The following PPP2R2B variants were observed in gnomAD, a reference collection of about 807,000 sequenced individuals.
PPP2R2B encodes serine/threonine-protein phosphatase 2A 55 kDa regulatory subunit B beta isoform.
A neutral mutation model predicts 46.0 loss-of-function variants in PPP2R2B; 5 were observed. The ratio of observed to expected loss-of-function variants is 0.11; its 90% CI spans 0.06 to 0.23. The LOEUF (loss-of-function observed/expected upper bound fraction) is 0.23, where lower values mean the gene tolerates loss of function less well. Among genes scored for constraint, PPP2R2B ranks in the 10% least tolerant of loss-of-function variants. The probability of loss-of-function intolerance (pLI) is 1.00; values close to 1 mark genes in which losing one functional copy is unlikely to be tolerated. For synonymous variants in PPP2R2B, 215 were observed against 206.7 expected, an observed-to-expected ratio of 1.04 and a Z score of -0.34; for missense variants, 367 against 575.0, an observed-to-expected ratio of 0.64 and a Z score of 3.70.
intron 2 of PPP2R2B, among the ~76,000 whole-genome samples, chr5:146,845,887 T>C (rs1759971074): frequency 6.6e-6 from 1 of 152,180 alleles, no homozygotes; most frequent in Non-Finnish European, 1.5e-5. Context: ...AGACCTGTAC[T>C]GTGCAACACA....
intron 2 of PPP2R2B, among the ~76,000 whole-genome samples, chr5:146,763,112 C>G (rs1754265251): frequency 6.6e-6 from 1 of 152,154 alleles, no homozygotes; most frequent in Admixed American, 6.5e-5. Flanking sequence ...CAATAACAAC[C>G]TGAACTGAAC....
chr5:146,814,915 T>A (rs1757838270), intron 2 of PPP2R2B, among the ~76,000 whole-genome samples: 1 of 152,212 alleles, frequency 6.6e-6, no homozygotes, highest in African/African-American at 2.4e-5. Context: ...CCTTGGTCTC[T>A]CCTTCTGTCT....
intron 1 of PPP2R2B, among the ~76,000 whole-genome samples, chr5:146,967,159 C>G (rs1339252062): frequency 6.6e-6 from 1 of 152,150 alleles, no homozygotes; most frequent in African/African-American, 2.4e-5. Flanking sequence ...ATACTGCCCT[C>G]TATTAGATAC....
intron 2 of PPP2R2B, among the ~76,000 whole-genome samples, chr5:146,866,434 C>T (rs1761313153): frequency 6.6e-6 from 1 of 152,104 alleles, no homozygotes; most frequent in Non-Finnish European, 1.5e-5. Context: ...TTATCATCAG[C>T]AAAGTAGAAA....
chr5:146,822,244 GA>G (rs1402346876), intron 2 of PPP2R2B, among the ~76,000 whole-genome samples: 1 of 152,306 alleles, frequency 6.6e-6, no homozygotes, highest in East Asian at 1.9e-4. Flanking sequence ...TTGAAAGAGC[GA>G]TCTTCTGGAA....
At chr5:146,927,272 C>T (rs1046470742) in intron 1 of PPP2R2B, among the ~76,000 whole-genome samples, 9 of 152,140 alleles carry the variant, frequency 5.9e-5, no homozygotes, top group Non-Finnish European at 1.3e-4. Flanking sequence ...CCAACCTCCT[C>T]CTAGAGTCAT....
intron 1 of PPP2R2B, among the ~76,000 whole-genome samples, chr5:146,909,785 A>G (rs1424076936): frequency 2.0e-5 from 3 of 151,988 alleles, no homozygotes; most frequent in Non-Finnish European, 2.9e-5. Flanking sequence ...AGAGTCCCCA[A>G]GCTCTGGTTT....
chr5:147,020,556 A>G (rs1187779128), intron 1 of PPP2R2B, among the ~76,000 whole-genome samples: 1 of 152,182 alleles, frequency 6.6e-6, no homozygotes, highest in Non-Finnish European at 1.5e-5. Flanking sequence ...TAGCAAGAGG[A>G]GGAGACCAGG....
At chr5:146,982,442 A>C (rs575253321) in intron 1 of PPP2R2B, among the ~76,000 whole-genome samples, 52 of 152,278 alleles carry the variant, frequency 3.4e-4, no homozygotes, top group African/African-American at 1.3e-3. Flanking sequence ...AAATTAGATG[A>C]CGTTTGATTT....
At chr5:146,706,342 G>C in intron 2 of PPP2R2B, 1 of 587,930 alleles carries the variant, frequency 1.7e-6, no homozygotes, top group South Asian at 1.5e-5. Flanking sequence ...AGCTCAGGCC[G>C]TAGCTGAGGC....
At chr5:146,615,527 AAAAG>A (rs1773083271) in intron 7 of PPP2R2B, among the ~76,000 whole-genome samples, 1 of 147,554 alleles carries the variant, frequency 6.8e-6, no homozygotes. Flanking sequence ...AAAAAAAAAA[AAAAG>A]AAAAAAAAAA....
chr5:146,733,824 C>T (rs1752375487), intron 2 of PPP2R2B, among the ~76,000 whole-genome samples: 1 of 152,098 alleles, frequency 6.6e-6, no homozygotes, highest in South Asian at 2.1e-4. Context: ...AATATATGTG[C>T]TGGAAAGTAC....
chr5:146,734,355 C>T (rs1174055472), intron 2 of PPP2R2B, among the ~76,000 whole-genome samples: 2 of 152,124 alleles, frequency 1.3e-5, no homozygotes, highest in African/African-American at 2.4e-5. Flanking sequence ...GGCCATTAGC[C>T]ATTTTTAACA....
chr5:147,061,277 G>C (rs1263213944), intron 2 of PPP2R2B, among the ~76,000 whole-genome samples: 1 of 152,130 alleles, frequency 6.6e-6, no homozygotes, highest in Non-Finnish European at 1.5e-5. Flanking sequence ...AGGAAATAAA[G>C]TGGGACATGG....
intron 1 of PPP2R2B, among the ~76,000 whole-genome samples, chr5:146,908,748 A>G (rs901013696): frequency 6.6e-5 from 10 of 151,320 alleles, no homozygotes; most frequent in South Asian, 6.3e-4. Flanking sequence ...CCTCAATATA[A>G]AACTCATGCC....
At chr5:146,946,244 T>C (rs1403920365) in intron 1 of PPP2R2B, among the ~76,000 whole-genome samples, 1 of 152,082 alleles carries the variant, frequency 6.6e-6, no homozygotes, top group Admixed American at 6.6e-5. Context: ...CAGTACCAGA[T>C]GAAGAGAGAC....
At chr5:146,941,931 C>T (rs1377216673) in intron 1 of PPP2R2B, among the ~76,000 whole-genome samples, 1 of 152,120 alleles carries the variant, frequency 6.6e-6, no homozygotes, top group South Asian at 2.1e-4. Flanking sequence ...AGAGGAGAAC[C>T]TTTTATTGCT....
rs536064005 is a variant in PPP2R2B, at chr5:146,889,546, AG to A, written c.79+166118del. On this transcript the variant is annotated intron_variant, in intron 1 of 8. Coordinates refer to the PPP2R2B transcript ENST00000336640. ...TGTCACATGGCAGGAGGTTAATGGCAGGGGGGTAATGCATGAGGTCAATGGC... is the reference window on the plus strand; with the variant it reads ...TGTCACATGGCAGGAGGTTAATGGCAGGGGGTAATGCATGAGGTCAATGGC... 1.6e-3 allele frequency among the ~76,000 whole-genome samples: 247 copies of A among 152,280 alleles called. 3 individuals carry two copies. The highest frequency in any genetic ancestry group is 5.3e-3 in the African/African-American group (221 of 41,568).
At chr5:146,825,557 C>T (rs1758527328) in intron 2 of PPP2R2B, among the ~76,000 whole-genome samples, 1 of 152,066 alleles carries the variant, frequency 6.6e-6, no homozygotes, top group Non-Finnish European at 1.5e-5. Context: ...TTTTTCTTTC[C>T]AAACAGACTA....
Sources: allele counts gnomAD v4.1 joint callset (sites outside exome capture counted in the v4.1 genomes callset), GRCh38; gene constraint gnomAD v4.1.1; transcripts MANE v1.5; gene names NCBI Gene and HGNC (gene_info 2026-07-23, HGNC 2026-07-21).